The following ROBO2 variants were observed in gnomAD, a reference collection of about 807,000 sequenced individuals.
ROBO2 encodes roundabout homolog 2.
A neutral mutation model predicts 160.8 loss-of-function variants in ROBO2; 53 were observed. That is an observed-to-expected ratio of 0.33 (90% CI 0.26 to 0.41). The LOEUF is 0.41. Among genes scored for constraint, ROBO2 ranks in the 10% least tolerant of loss-of-function variants. The pLI is 1.00. For synonymous variants in ROBO2, 664 were observed against 611.7 expected, an observed-to-expected ratio of 1.09 and a Z score of -1.26; for missense variants, 1,577 against 1,722.4, an observed-to-expected ratio of 0.92 and a Z score of 1.49.
At chr3:77,244,352 C>T (rs1400246215) in intron 2 of ROBO2, among the ~76,000 whole-genome samples, 2 of 152,028 alleles carry the variant, frequency 1.3e-5, no homozygotes, top group Non-Finnish European at 2.9e-5. Context: ...GTCAGGAAAA[C>T]ATGGTAAAAA....
chr3:76,748,567 A>G (rs550472991), intron 2 of ROBO2, among the ~76,000 whole-genome samples: 1 of 151,754 alleles, frequency 6.6e-6, no homozygotes, highest in Admixed American at 6.6e-5. Flanking sequence ...AAAACAACAT[A>G]ATATATTTTG....
At chr3:76,605,490 T>C (rs562207118) in intron 2 of ROBO2, among the ~76,000 whole-genome samples, 3 of 152,174 alleles carry the variant, frequency 2.0e-5, no homozygotes, top group Non-Finnish European at 4.4e-5. Flanking sequence ...CAATTGTTCA[T>C]GTGAAAAGCC....
chr3:77,533,693 C>T (rs2091909958), intron 6 of ROBO2, among the ~76,000 whole-genome samples: 1 of 152,122 alleles, frequency 6.6e-6, no homozygotes, highest in African/African-American at 2.4e-5. Flanking sequence ...TCTCCGAGGC[C>T]TCTTTCTGAT....
At chr3:76,589,664 A>G (rs1170240781) in intron 2 of ROBO2, among the ~76,000 whole-genome samples, 1 of 152,164 alleles carries the variant, frequency 6.6e-6, no homozygotes, top group African/African-American at 2.4e-5. Flanking sequence ...CTATACTACA[A>G]TGTTACCTAA....
At chr3:76,279,416 A>G (rs1262045702) in intron 2 of ROBO2, among the ~76,000 whole-genome samples, 2 of 151,902 alleles carry the variant, frequency 1.3e-5, no homozygotes, top group Admixed American at 6.6e-5. Flanking sequence ...TTACTGAAAC[A>G]TGTCTCCAGT....
At chr3:76,639,196 G>T (rs1446709383) in intron 2 of ROBO2, among the ~76,000 whole-genome samples, 1 of 151,798 alleles carries the variant, frequency 6.6e-6, no homozygotes, top group African/African-American at 2.4e-5. Context: ...ATGTGTATAT[G>T]TATCTATAAG....
rs554953940 is a variant in ROBO2, at chr3:76,210,536, CA to C, written c.109+272936del. Among the ~76,000 whole-genome samples the C allele has an allele frequency of 6.6e-5, 10 of 152,134 alleles. No homozygotes were observed. In the South Asian group the frequency reaches 2.1e-3, roughly 31 times the overall value. On this transcript the variant is annotated intron_variant, in intron 2 of 26. Transcript: ENST00000487694. ...AAGTGTAAAAAAATTTGTTCTCAAT[CA>C]ATACCAAATTTATTTTTAGCCTGAT...
intron 5 of ROBO2, among the ~76,000 whole-genome samples, chr3:77,498,709 G>T (rs906334583): frequency 6.6e-6 from 1 of 151,636 alleles, no homozygotes; most frequent in African/African-American, 2.4e-5. Flanking sequence ...CTATTGTTTA[G>T]AGCATGTGCT....
At chr3:76,575,149 G>C (rs1158665108) in intron 2 of ROBO2, among the ~76,000 whole-genome samples, 1 of 151,964 alleles carries the variant, frequency 6.6e-6, no homozygotes, top group Admixed American at 6.6e-5. Flanking sequence ...GGCTGGACTT[G>C]AACTCCTGGG....
intron 2 of ROBO2, among the ~76,000 whole-genome samples, chr3:76,588,532 C>T (rs1384539896): frequency 6.6e-6 from 1 of 152,020 alleles, no homozygotes; most frequent in Admixed American, 6.5e-5. Flanking sequence ...TCAAAAAGAA[C>T]ACAATATTTA....
chr3:76,047,554 C>T (rs1015706010), intron 2 of ROBO2, among the ~76,000 whole-genome samples: 5 of 152,226 alleles, frequency 3.3e-5, no homozygotes, highest in African/African-American at 1.2e-4. Flanking sequence ...GATCTCTGGT[C>T]TGCTTTGTCA....
intron 1 of ROBO2, among the ~76,000 whole-genome samples, chr3:77,066,292 A>T (rs1056250075): frequency 1.3e-5 from 2 of 152,188 alleles, no homozygotes; most frequent in African/African-American, 4.8e-5. Context: ...TTTACATTCT[A>T]GTTAACTAAA....
chr3:76,910,675 G>A (rs1443540219), intron 2 of ROBO2, among the ~76,000 whole-genome samples: 1 of 128,714 alleles, frequency 7.8e-6, no homozygotes. Flanking sequence ...GCAGTGAGCC[G>A]AGATCACACC....
At chr3:76,825,858 A>G (rs578095044) in intron 2 of ROBO2, among the ~76,000 whole-genome samples, 4 of 152,202 alleles carry the variant, frequency 2.6e-5, no homozygotes, top group South Asian at 4.1e-4. Context: ...AAAACTGTTA[A>G]CATTCGTTCC....
chr3:76,749,435 T>C (rs1033408742), intron 2 of ROBO2, among the ~76,000 whole-genome samples: 22 of 151,966 alleles, frequency 1.4e-4, no homozygotes, highest in Admixed American at 2.0e-4. Flanking sequence ...TAGGAGAAAC[T>C]TATTAAAAGA....
chr3:76,694,053 C>A (rs1249257660), intron 2 of ROBO2, among the ~76,000 whole-genome samples: 1 of 152,166 alleles, frequency 6.6e-6, no homozygotes, highest in African/African-American at 2.4e-5. Flanking sequence ...TAACCTAATG[C>A]CATTTGTCTG....
chr3:76,281,160 A>G (rs537457093), intron 2 of ROBO2, among the ~76,000 whole-genome samples: 1 of 151,872 alleles, frequency 6.6e-6, no homozygotes, highest in South Asian at 2.1e-4. Flanking sequence ...CAACAGAGCT[A>G]TGCCAATCCA....
At chr3:77,392,368 T>G (rs2074823939) in intron 2 of ROBO2, among the ~76,000 whole-genome samples, 1 of 152,224 alleles carries the variant, frequency 6.6e-6, no homozygotes, top group Non-Finnish European at 1.5e-5. Context: ...CAGGATAAGC[T>G]GCAACGGCAA....
chr3:75,918,452 G>C (rs1946898529), intron 1 of ROBO2, among the ~76,000 whole-genome samples: 1 of 152,188 alleles, frequency 6.6e-6, no homozygotes, highest in Non-Finnish European at 1.5e-5. Flanking sequence ...AATATAGTTT[G>C]AAGTCAGGCA....
Sources: allele counts gnomAD v4.1 joint callset (sites outside exome capture counted in the v4.1 genomes callset), GRCh38; gene constraint gnomAD v4.1.1; transcripts MANE v1.5; gene names NCBI Gene and HGNC (gene_info 2026-07-23, HGNC 2026-07-21).